ADGRB3: variants seen among roughly 807,000 people sequenced by gnomAD.
ADGRB3 encodes brain-specific angiogenesis inhibitor 3.
A neutral mutation model predicts 193.4 loss-of-function variants in ADGRB3; 37 were observed. The ratio of observed to expected loss-of-function variants is 0.19; its 90% confidence interval spans 0.15 to 0.25. The LOEUF is 0.25. Among genes scored for constraint, ADGRB3 ranks in the 10% least tolerant of loss-of-function variants. ADGRB3 has a pLI of 1.00. For synonymous variants in ADGRB3, 690 were observed against 644.2 expected, an observed-to-expected ratio of 1.07 and a Z score of -1.08; for missense variants, 1,637 against 1,852.9, an observed-to-expected ratio of 0.88 and a Z score of 2.14.
intron 3 of ADGRB3, among the ~76,000 whole-genome samples, chr6:68,738,893 A>C (rs1341718842): frequency 6.6e-6 from 1 of 152,178 alleles, no homozygotes; most frequent in African/African-American, 2.4e-5. Flanking sequence ...GTGATTGTAA[A>C]TAGAGAAGGG....
chr6:68,731,045 A>G (rs1411831463), intron 3 of ADGRB3, among the ~76,000 whole-genome samples: 1 of 151,648 alleles, frequency 6.6e-6, no homozygotes, highest in Non-Finnish European at 1.5e-5. Flanking sequence ...GCCAAGCAAC[A>G]AGCAAGTCTA....
chr6:68,904,767 G>A (rs914014614), intron 3 of ADGRB3, among the ~76,000 whole-genome samples: 1 of 152,076 alleles, frequency 6.6e-6, no homozygotes, highest in Admixed American at 6.6e-5. Flanking sequence ...GGGCATCCAG[G>A]AATCCATTGG....
Position 69,062,914 on chromosome 6 carries a change from T to A in ADGRB3, c.2334-20T>A. The stretch of plus-strand genomic sequence containing the variant: ...TTTCAGCACTCATTTCTCCTTTTAA[T>A]TATAATTACTCTGTTGCAGAAATTA... On this transcript the variant is annotated intron_variant, in intron 15 of 31. Coordinates refer to ENST00000370598, the MANE Select transcript of ADGRB3 (RefSeq NM_001704.3). The A allele has an allele frequency of 1.3e-6, 2 of 1,548,482 alleles. No individual in the cohort carries two copies. The highest frequency in any genetic ancestry group is 1.8e-6 in the Non-Finnish European group (2 of 1,121,688).
At chr6:69,122,383 A>C (rs1773731618) in intron 17 of ADGRB3, among the ~76,000 whole-genome samples, 2 of 147,468 alleles carry the variant, frequency 1.4e-5, no homozygotes, top group Admixed American at 6.9e-5. Flanking sequence ...CGGGGCAGGG[A>C]GGCTGCAGCC....
intron 3 of ADGRB3, among the ~76,000 whole-genome samples, chr6:68,728,398 C>CA (rs959135694): frequency 5.5e-4 from 80 of 144,340 alleles, no homozygotes; most frequent in African/African-American, 1.1e-3. Flanking sequence ...CCCAGCCTAA[C>CA]AAAAAAAAAA....
intron 13 of ADGRB3, among the ~76,000 whole-genome samples, chr6:69,035,733 G>A (rs1164557269): frequency 6.6e-6 from 1 of 152,130 alleles, no homozygotes; most frequent in Non-Finnish European, 1.5e-5. Flanking sequence ...AGGGTCTGAT[G>A]GCCTAATGTG....
chr6:69,164,174 T>C (rs1217767944), intron 17 of ADGRB3, among the ~76,000 whole-genome samples: 1 of 152,102 alleles, frequency 6.6e-6, no homozygotes, highest in East Asian at 1.9e-4. Context: ...TCTACATGTA[T>C]ATTTGTCATC....
At chr6:69,266,043 T>G (rs1277768210) in intron 20 of ADGRB3, among the ~76,000 whole-genome samples, 1 of 151,992 alleles carries the variant, frequency 6.6e-6, no homozygotes, top group Admixed American at 6.6e-5. Flanking sequence ...TTTCTTACAG[T>G]GTTGTGGGAT....
intron 20 of ADGRB3, among the ~76,000 whole-genome samples, chr6:69,287,112 A>AT (rs1767568949): frequency 6.6e-6 from 1 of 152,224 alleles, no homozygotes; most frequent in Non-Finnish European, 1.5e-5. Context: ...TAAAGAAAAA[A>AT]TGAAGACAGT....
At chr6:68,730,578 G>C (rs1765754892) in intron 3 of ADGRB3, among the ~76,000 whole-genome samples, 1 of 151,604 alleles carries the variant, frequency 6.6e-6, no homozygotes, top group Non-Finnish European at 1.5e-5. Context: ...TTAAAGAGTT[G>C]TGAATTATAG....
chr6:69,369,472 TG>T (rs1334850233), intron 29 of ADGRB3, among the ~76,000 whole-genome samples: 1 of 152,008 alleles, frequency 6.6e-6, no homozygotes, highest in African/African-American at 2.4e-5. Context: ...CTGAAGCAGG[TG>T]GATCGCTTGA....
At chr6:69,069,591 C>T (rs550641211) in intron 16 of ADGRB3, among the ~76,000 whole-genome samples, 16 of 107,208 alleles carry the variant, frequency 1.5e-4, no homozygotes, top group Middle Eastern at 6.5e-3. Flanking sequence ...ATTATCCGGA[C>T]GCAGTGGCAG....
At chr6:69,313,630 A>G (rs1768245865) in intron 20 of ADGRB3, among the ~76,000 whole-genome samples, 1 of 151,706 alleles carries the variant, frequency 6.6e-6, no homozygotes, top group South Asian at 2.1e-4. Flanking sequence ...CTGGGAAAGG[A>G]TATCTAAACA....
At chr6:69,055,911 A>T (rs1582427054) in intron 15 of ADGRB3, among the ~76,000 whole-genome samples, 1 of 151,862 alleles carries the variant, frequency 6.6e-6, no homozygotes, top group Non-Finnish European at 1.5e-5. Flanking sequence ...GCTCACTGCA[A>T]CCTCTACCTC....
chr6:68,868,356 AG>A (rs1048008739), intron 3 of ADGRB3, among the ~76,000 whole-genome samples: 23 of 152,284 alleles, frequency 1.5e-4, no homozygotes, highest in African/African-American at 5.5e-4. Flanking sequence ...TAAGTTTCTG[AG>A]GCCTCCCCAG....
At chr6:69,370,724 C>T (rs1382671834) in intron 29 of ADGRB3, among the ~76,000 whole-genome samples, 1 of 152,036 alleles carries the variant, frequency 6.6e-6, no homozygotes, top group East Asian at 1.9e-4. Context: ...AAGCTCATGA[C>T]TAATGTTTTA....
At chr6:68,999,530 C>T (rs1052073851) in intron 11 of ADGRB3, among the ~76,000 whole-genome samples, 2 of 152,214 alleles carry the variant, frequency 1.3e-5, no homozygotes, top group Non-Finnish European at 2.9e-5. Context: ...TCCCAAAGTT[C>T]TGGGATTACA....
At chr6:69,000,938 T>G (rs1028195394) in intron 11 of ADGRB3, among the ~76,000 whole-genome samples, 22 of 152,242 alleles carry the variant, frequency 1.4e-4, no homozygotes, top group African/African-American at 5.3e-4. Flanking sequence ...GTTTATTACT[T>G]GGCACATAGT....
intron 15 of ADGRB3, among the ~76,000 whole-genome samples, chr6:69,053,925 A>G (rs1257460235): frequency 6.6e-6 from 1 of 152,212 alleles, no homozygotes; most frequent in Non-Finnish European, 1.5e-5. Context: ...ATGGTTATAA[A>G]CAATCATTTG....
Sources: gnomAD v4.1 joint callset for allele counts (sites outside exome capture counted in the v4.1 genomes callset) on GRCh38, gnomAD v4.1.1 for gene constraint, MANE v1.5 for transcripts, NCBI Gene and HGNC (gene_info 2026-07-23, HGNC 2026-07-21) for gene names.